KIAA1217: variants seen among roughly 807,000 people sequenced by gnomAD.
KIAA1217 encodes the protein sickle tail protein homolog.
KIAA1217 carries 88 observed loss-of-function variants against 163.9 expected under a neutral mutation model. That is an observed-to-expected ratio of 0.54 (90% confidence interval 0.45 to 0.64). KIAA1217 has a LOEUF of 0.64. KIAA1217 is among the 30% of genes least tolerant of loss of function. The pLI is 0.00. For synonymous variants in KIAA1217, 903 were observed against 923.1 expected (o/e 0.98, Z 0.39); for missense variants, 2,372 against 2,475.0 (o/e 0.96, Z 0.88).
chr10:23,980,182 T>G (rs1845706509), intron 1 of KIAA1217, among the ~76,000 whole-genome samples: 1 of 152,174 alleles, frequency 6.6e-6, no homozygotes, highest in Admixed American at 6.5e-5. Flanking sequence ...ACTCCGTGTC[T>G]AATGACCTTG....
chr10:23,697,485 A>G (rs1836120865), intron 1 of KIAA1217, among the ~76,000 whole-genome samples: 1 of 152,082 alleles, frequency 6.6e-6, no homozygotes, highest in Admixed American at 6.5e-5. Context: ...TTCCAAGGTG[A>G]GTAATAAGGA....
chr10:24,474,201 G>A, intron 6 of KIAA1217, 141 bp downstream of exon 6: 1 of 663,510 alleles, frequency 1.5e-6, no homozygotes. Flanking sequence ...AGGAGTCACA[G>A]AGTGGTGTCA....
intron 2 of KIAA1217, among the ~76,000 whole-genome samples, chr10:24,126,708 G>A (rs952121588): frequency 6.6e-5 from 10 of 151,826 alleles, no homozygotes; most frequent in African/African-American, 2.4e-4. Flanking sequence ...CACCCACATA[G>A]CCCTGGTTAT....
rs114063580 is a variant in KIAA1217 at position 23,806,138 on chromosome 10, A to T, written c.-321+110904A>T. Among the ~76,000 whole-genome samples the T allele has an allele frequency of 6.9e-3, 1,044 of 151,816 alleles. 14 individuals are homozygous for T. The highest frequency in any genetic ancestry group is 0.024 in the African/African-American group (1,008 of 41,378). On this transcript the variant is annotated intron_variant, in intron 1 of 18. Coordinates refer to the KIAA1217 transcript ENST00000376462. The stretch of plus-strand genomic sequence containing the variant: ...ATCAGATGGTACTCCCATCTTGGGG[A>T]TTCCTTAGATATTGAGGGATGTGTG...
intron 1 of KIAA1217, among the ~76,000 whole-genome samples, chr10:23,937,310 G>C (rs1032307032): frequency 1.3e-5 from 2 of 152,162 alleles, no homozygotes; most frequent in African/African-American, 4.8e-5. Flanking sequence ...TTGGGTTGGA[G>C]AGTAGCATGG....
At chr10:24,034,148 T>C (rs1848298271) in intron 2 of KIAA1217, among the ~76,000 whole-genome samples, 2 of 152,222 alleles carry the variant, frequency 1.3e-5, no homozygotes, top group African/African-American at 2.4e-5. Context: ...AACCCTGTAA[T>C]ATAAACAGCG....
intron 1 of KIAA1217, among the ~76,000 whole-genome samples, chr10:23,699,861 C>T (rs987409065): frequency 1.3e-5 from 2 of 152,088 alleles, no homozygotes; most frequent in South Asian, 2.1e-4. Context: ...TCCTCCAGAT[C>T]GTAAGTTTTA....
In KIAA1217 at chr10:24,111,023, C is replaced by T. The variant is rs577934404; in HGVS notation, c.-171+103649C>T. On this transcript the variant is annotated intron_variant, in intron 2 of 18. Transcript: ENST00000376462. Reference sequence around the variant, plus strand: ...CATTGTATTAATATTTTCAGTGACACATTAATGTACGCCAAGAATGATTGT... The same window carrying T: ...CATTGTATTAATATTTTCAGTGACATATTAATGTACGCCAAGAATGATTGT... Among the ~76,000 whole-genome samples, 5 of 152,222 alleles carry T rather than the reference C, an allele frequency of 3.3e-5. No homozygotes were observed. The East Asian group carries it at 9.7e-4, about 29-fold the overall frequency.
intron 2 of KIAA1217, among the ~76,000 whole-genome samples, chr10:24,126,347 A>G (rs796787767): frequency 7.2e-5 from 11 of 152,256 alleles, no homozygotes; most frequent in African/African-American, 2.4e-4. Flanking sequence ...TTATTTCTAG[A>G]TGATGTATTG....
rs147910665 is a variant in KIAA1217 at position 24,296,456 on chromosome 10, A to G, written c.354+76547A>G. On this transcript the variant is annotated intron_variant, in intron 2 of 20. Coordinates refer to ENST00000376454, the MANE Select transcript of KIAA1217 (RefSeq NM_019590.5). ...TCTCCAGGTGATTCCAATGCAGCTG[A>G]GTTGGGAGTTCTGGCTTTGTACATT... 9.8e-4 allele frequency among the ~76,000 whole-genome samples: 149 copies of G among 152,296 alleles called. No homozygotes were observed. The South Asian group carries it at 0.018, about 18-fold the overall frequency.
intron 16 of KIAA1217, 22 bp downstream of exon 16, chr10:24,533,259 C>T (rs1470836919): frequency 6.3e-7 from 1 of 1,587,010 alleles, no homozygotes; most frequent in South Asian, 1.1e-5. Context: ...AGGTGACTGA[C>T]ATTGGCTCCT....
At chr10:23,728,479 G>T (rs1838291178) in intron 1 of KIAA1217, among the ~76,000 whole-genome samples, 1 of 149,418 alleles carries the variant, frequency 6.7e-6, no homozygotes, top group African/African-American at 2.5e-5. Flanking sequence ...AGAAATGTCT[G>T]TTCATATCCT....
chr10:24,068,727 C>T (rs1305813978), intron 2 of KIAA1217, among the ~76,000 whole-genome samples: 21 of 152,158 alleles, frequency 1.4e-4, no homozygotes, highest in Non-Finnish European at 2.9e-5. Flanking sequence ...TATCAGATCT[C>T]ATTAGTGTTT....
intron 2 of KIAA1217, among the ~76,000 whole-genome samples, chr10:24,308,232 T>C (rs2042228116): frequency 6.6e-6 from 1 of 152,220 alleles, no homozygotes; most frequent in African/African-American, 2.4e-5. Flanking sequence ...CTGTGCTAAC[T>C]GATAGCACAT....
chr10:23,853,062 T>C (rs1337908004), intron 1 of KIAA1217, among the ~76,000 whole-genome samples: 4 of 152,028 alleles, frequency 2.6e-5, no homozygotes, highest in Non-Finnish European at 5.9e-5. Flanking sequence ...TGACTAGGAG[T>C]GGTGAGAGAG....
intron 3 of KIAA1217, among the ~76,000 whole-genome samples, chr10:24,400,978 C>T (rs2056464865): frequency 6.6e-6 from 1 of 151,384 alleles, no homozygotes; most frequent in Admixed American, 6.6e-5. Flanking sequence ...CACACACACA[C>T]ACACACACAC....
chr10:24,431,203 G>A (rs1181327852), intron 3 of KIAA1217, among the ~76,000 whole-genome samples: 1 of 152,112 alleles, frequency 6.6e-6, no homozygotes, highest in African/African-American at 2.4e-5. Context: ...TATTACATGG[G>A]CTGCCATATT....
chr10:23,963,215 A>G (rs1027883911), intron 1 of KIAA1217, among the ~76,000 whole-genome samples: 1 of 152,148 alleles, frequency 6.6e-6, no homozygotes, highest in Admixed American at 6.5e-5. Context: ...TCCTGCACCC[A>G]TCAACCCATC....
At chr10:24,063,330 A>C (rs1337090534) in intron 2 of KIAA1217, among the ~76,000 whole-genome samples, 2 of 152,158 alleles carry the variant, frequency 1.3e-5, no homozygotes, top group East Asian at 3.9e-4. Context: ...GGTGTAAGGA[A>C]GGGATCCAGT....
Sources: allele counts gnomAD v4.1 joint callset (sites outside exome capture counted in the v4.1 genomes callset), GRCh38; gene constraint gnomAD v4.1.1; transcripts MANE v1.5; gene names NCBI Gene and HGNC (gene_info 2026-07-23, HGNC 2026-07-21).